The following TNRC6B variants were observed in gnomAD, a reference collection of about 807,000 sequenced individuals.
The protein encoded by TNRC6B is trinucleotide repeat containing adaptor 6B, also known as trinucleotide repeat-containing gene 6B protein.
TNRC6B carries 52 observed loss-of-function variants against 203.6 expected under a neutral mutation model. The ratio of observed to expected loss-of-function variants is 0.26; its 90% confidence interval spans 0.20 to 0.32. The LOEUF (loss-of-function observed/expected upper bound fraction) is 0.32, where lower values mean the gene tolerates loss of function less well. Ranked by LOEUF, TNRC6B falls within the 10% of genes least tolerant of loss-of-function variation. TNRC6B has a pLI of 1.00. For synonymous variants in TNRC6B, 838 were observed against 845.7 expected, an observed-to-expected ratio of 0.99 and a Z score of 0.16; for missense variants, 1,923 against 2,286.2, an observed-to-expected ratio of 0.84 and a Z score of 3.24.
At chr22:40,113,352 A>G (rs1038494337) in intron 1 of TNRC6B, among the ~76,000 whole-genome samples, 1 of 152,064 alleles carries the variant, frequency 6.6e-6, no homozygotes, top group Non-Finnish European at 1.5e-5. Flanking sequence ...TAGCAGATCT[A>G]CCTCCACCTG....
chr22:40,253,278 G>A (rs1435543364), intron 3 of TNRC6B, among the ~76,000 whole-genome samples: 1 of 148,388 alleles, frequency 6.7e-6, no homozygotes, highest in Non-Finnish European at 1.5e-5. Flanking sequence ...TTTTAGTAGA[G>A]ACGGGGTTTC....
At chr22:40,079,890 G>A (rs1256405153) in intron 1 of TNRC6B, among the ~76,000 whole-genome samples, 1 of 152,144 alleles carries the variant, frequency 6.6e-6, no homozygotes, top group Non-Finnish European at 1.5e-5. Flanking sequence ...CCGCCTCCCG[G>A]CTTCATGCCA....
intron 1 of TNRC6B, among the ~76,000 whole-genome samples, chr22:40,095,045 G>C (rs918764422): frequency 1.3e-5 from 2 of 152,148 alleles, no homozygotes; most frequent in Non-Finnish European, 2.9e-5. Context: ...CTGCTAGCTA[G>C]AGTGTTGTCG....
intron 12 of TNRC6B, among the ~76,000 whole-genome samples, chr22:40,294,747 A>G (rs2146539605): frequency 6.6e-6 from 1 of 152,324 alleles, no homozygotes; most frequent in South Asian, 2.1e-4. Context: ...AATTATAGTG[A>G]GTTTGAAATT....
At chr22:40,098,817 T>C (rs1306006799) in intron 1 of TNRC6B, among the ~76,000 whole-genome samples, 1 of 152,140 alleles carries the variant, frequency 6.6e-6, no homozygotes, top group Non-Finnish European at 1.5e-5. Context: ...AATCTCGAAC[T>C]CCTGGGCTCA....
chr22:40,054,081 G>A (rs1350517961), intron 1 of TNRC6B, among the ~76,000 whole-genome samples: 1 of 152,128 alleles, frequency 6.6e-6, no homozygotes, highest in Non-Finnish European at 1.5e-5. Context: ...GCTGGGCGTG[G>A]TGGTGCCTGC....
At chr22:40,045,734 G>C (rs1291576621) in intron 1 of TNRC6B, 1 of 152,246 alleles carries the variant, frequency 6.6e-6, no homozygotes, top group Non-Finnish European at 1.5e-5. Context: ...CAGACTACCG[G>C]TTTATTCGGC....
In TNRC6B at chr22:40,262,168, C is replaced by T. The variant is rs377560089; in HGVS notation, c.452C>T (p.Ala151Val). 1.5e-5 allele frequency: 21 copies of T among 1,395,320 alleles called. No individual in the cohort carries two copies. In the East Asian group the frequency reaches 4.0e-4, roughly 26 times the overall value. 86.4% of individuals were successfully genotyped at this position (1,395,320 alleles called of 1,614,324 possible). A position where few individuals can be genotyped will look rare whatever the true frequency, so the allele number is the denominator to read the frequency against. The part of the protein sequence containing the change: ...GALLQSESGT[A>V]PDSTLGGAAA... ...CTGCTGCAGAGTGAGAGTGGGACTG[C>T]GCCAGGTAAGGCACCCTGTGAATCG... The change falls in exon 4 of 23, where the codon GCG becomes GTG. Residue 151 changes from alanine (A) to valine (V), a missense_variant. By Grantham distance (64) the Ala-to-Val change is moderately conservative (BLOSUM62 0). This residue lies in a region of TNRC6B where 614 missense variants were observed against 587.7 expected (regional missense o/e 1.04). Transcript: ENST00000454349.
At chr22:40,249,543 T>A (rs1031401997) in intron 2 of TNRC6B, among the ~76,000 whole-genome samples, 1 of 152,216 alleles carries the variant, frequency 6.6e-6, no homozygotes, top group Admixed American at 6.5e-5. Flanking sequence ...GCAGAACACA[T>A]GCTTTGATCA....
At chr22:40,180,437 C>G (rs1201448128) in intron 1 of TNRC6B, among the ~76,000 whole-genome samples, 1 of 152,316 alleles carries the variant, frequency 6.6e-6, no homozygotes, top group East Asian at 1.9e-4. Context: ...GAGAATGATA[C>G]AATGAATGCC....
At chr22:40,125,871 A>G (rs911353159) in intron 3 of TNRC6B, 4 of 1,611,150 alleles carry the variant, frequency 2.5e-6, no homozygotes, top group Non-Finnish European at 3.4e-6. Flanking sequence ...AGGTCAGTAA[A>G]TTACTGAAAG....
intron 1 of TNRC6B, among the ~76,000 whole-genome samples, chr22:40,081,722 C>T (rs532829665): frequency 2.0e-5 from 3 of 152,310 alleles, no homozygotes; most frequent in South Asian, 2.1e-4. Flanking sequence ...ATCTCTGAAA[C>T]GCTTAGCTCT....
At chr22:40,201,185 C>A (rs552117267) in intron 1 of TNRC6B, among the ~76,000 whole-genome samples, 1 of 152,248 alleles carries the variant, frequency 6.6e-6, no homozygotes, top group South Asian at 2.1e-4. Context: ...TGCACACTTA[C>A]ACTTTAGAAT....
At chr22:40,321,426 A>G (rs954868900) in intron 22 of TNRC6B, 197 bp downstream of exon 22, 3 of 562,894 alleles carry the variant, frequency 5.3e-6, no homozygotes, top group African/African-American at 3.7e-5. Context: ...TGTCCTGTAT[A>G]TATCAGAGGC....
chr22:40,299,330 C>T (rs954112470), intron 12 of TNRC6B, among the ~76,000 whole-genome samples: 5 of 151,740 alleles, frequency 3.3e-5, no homozygotes, highest in Admixed American at 6.6e-5. Flanking sequence ...ACCTCCGCCT[C>T]CCAGCTTGAG....
At chr22:40,257,585 G>T (rs2070299996) in intron 3 of TNRC6B, among the ~76,000 whole-genome samples, 1 of 151,962 alleles carries the variant, frequency 6.6e-6, no homozygotes, top group Admixed American at 6.6e-5. Flanking sequence ...GTATGGTGGT[G>T]CACACCTGTA....
intron 12 of TNRC6B, among the ~76,000 whole-genome samples, chr22:40,291,050 A>G (rs1167832609): frequency 6.6e-6 from 1 of 152,188 alleles, no homozygotes; most frequent in Non-Finnish European, 1.5e-5. Context: ...TCTTTTCCCA[A>G]CATTTCTGTA....
At chr22:40,260,694 A>G (rs1176233254) in intron 3 of TNRC6B, among the ~76,000 whole-genome samples, 1 of 152,196 alleles carries the variant, frequency 6.6e-6, no homozygotes, top group Non-Finnish European at 1.5e-5. Flanking sequence ...AACCTTTCCC[A>G]AGGACTTTGC....
At chr22:40,159,611 C>T (rs1273029570) in intron 4 of TNRC6B, among the ~76,000 whole-genome samples, 2 of 151,362 alleles carry the variant, frequency 1.3e-5, no homozygotes, top group Non-Finnish European at 2.9e-5. Flanking sequence ...TGCACTGCAG[C>T]CTGGGTGACA....
Sources: gnomAD v4.1 joint callset for allele counts (sites outside exome capture counted in the v4.1 genomes callset) on GRCh38, gnomAD v4.1.1 for gene constraint, gnomAD v4.1.1 regional missense constraint, MANE v1.5 for transcripts, NCBI Gene and HGNC (gene_info 2026-07-23, HGNC 2026-07-21) for gene names.